TBX3: variants seen among roughly 807,000 people sequenced by gnomAD.
TBX3 encodes T-box transcription factor TBX3.
TBX3 carries 11 observed loss-of-function variants against 47.8 expected under a neutral mutation model. The observed-to-expected ratio is 0.23, with a 90% CI of 0.14 to 0.38. The LOEUF is 0.38. Among genes scored for constraint, TBX3 ranks in the 10% least tolerant of loss-of-function variants. The pLI is 1.00. For missense variants in TBX3, 927 were observed against 1,022.8 expected (o/e 0.91, Z 1.28); for synonymous variants, 500 against 449.3 (o/e 1.11, Z -1.43).
Position 114,674,230 on chromosome 12 carries a change from C to G in TBX3, c.1645G>C (p.Gly549Arg), listed in dbSNP as rs1868587983. 6.3e-7 allele frequency: 1 copy of G among 1,576,750 alleles called. No homozygotes were observed. Among genetic ancestry groups the G allele is most frequent in the African/African-American group, 1.3e-5 (1 of 74,776 alleles). Reference protein sequence around the residue: ...TAMASAAAAQGLSGASAATLP... With the variant: ...TAMASAAAAQRLSGASAATLP... ...GTGGCCGCGGACGCCCCGGACAGTCCCTGCGCCGCAGCGGCAGAGGCCATG... is the reference window on the plus strand; with the variant it reads ...GTGGCCGCGGACGCCCCGGACAGTCGCTGCGCCGCAGCGGCAGAGGCCATG... Residue 549 changes from glycine to arginine, a missense_variant, in exon 6 of 7, where the codon GGA (glycine) becomes CGA (arginine). By Grantham distance (125) the Gly-to-Arg change is moderately radical (BLOSUM62 -2). This residue lies in a region of TBX3 where 623 missense variants were observed against 569.0 expected (regional missense o/e 1.09). Coordinates refer to ENST00000349155, the MANE Select transcript of TBX3 (RefSeq NM_005996.4).
rs1314068240 is a variant in TBX3 at position 114,682,883 on chromosome 12, G to T, written c.318C>A (p.His106Gln). 6 of 1,614,032 alleles carry T rather than the reference G, an allele frequency of 3.7e-6. No homozygotes were observed. The highest frequency in any genetic ancestry group is 2.7e-5 in the African/African-American group (2 of 74,914). ...EEEVEDDPKV[H>Q]LEAKELWDQF... Reference sequence around the variant, plus strand: ...GATCCCAAAGTTCTTTAGCCTCCAGGTGCACCTTGGGGTCGTCCTCCACCT... The same window carrying T: ...GATCCCAAAGTTCTTTAGCCTCCAGTTGCACCTTGGGGTCGTCCTCCACCT... Residue 106 changes from histidine (H) to glutamine (Q), a missense_variant, in exon 1 of 7, where the codon CAC becomes CAA. Transcript: ENST00000349155.
At chr12:114,672,861 A>C (rs969062830) in intron 6 of TBX3, among the ~76,000 whole-genome samples, 4 of 152,076 alleles carry the variant, frequency 2.6e-5, no homozygotes, top group Non-Finnish European at 5.9e-5. Flanking sequence ...CAAAACAAAA[A>C]AAACAGACAG....
chr12:114,676,590 A>C, intron 4 of TBX3, 120 bp from the exon 5 acceptor site: 1 of 1,324,838 alleles, frequency 7.5e-7, no homozygotes, highest in Non-Finnish European at 1.1e-6. Flanking sequence ...CCCAGGGACA[A>C]CGCTAATTCA....
At position 114,682,952 on chromosome 12, in the gene TBX3, G is replaced by C. The variant is rs770615914; in HGVS notation, c.249C>G (p.Pro83=). 1 of 1,614,170 alleles carries C rather than the reference G, an allele frequency of 6.2e-7. No homozygotes were observed. Among genetic ancestry groups the C allele is most frequent in the Non-Finnish European group, 8.5e-7 (1 of 1,180,042 alleles). Residue 83 remains proline, a synonymous_variant, in exon 1 of 7, where the codon CCC becomes CCG. Transcript: ENST00000349155. ...TCTTCAAAGGCCTCAGATGCGCCTG[G>C]GGCCCCAGGGAGGAGAACGGGATGC... ...ETGIPFSSLG[P]QAHLRPLKTM... is the part of the protein sequence containing the mutation.
chr12:114,675,121 T>C (rs1868649802), intron 5 of TBX3, among the ~76,000 whole-genome samples: 2 of 152,264 alleles, frequency 1.3e-5, no homozygotes, highest in Admixed American at 6.5e-5. Context: ...GTAGCTCTTC[T>C]TATTTTAATG....
At chr12:114,680,791 T>A (rs1423221116) in intron 2 of TBX3, 88 bp downstream of exon 2, 1 of 1,577,034 alleles carries the variant, frequency 6.3e-7, no homozygotes, top group African/African-American at 1.4e-5. Flanking sequence ...AAAGGAGAAG[T>A]CTGGGCTGAA....
At chr12:114,680,734 A>G (rs755937203) in intron 2 of TBX3, 145 bp downstream of exon 2, 17 of 1,229,484 alleles carry the variant, frequency 1.4e-5, no homozygotes, top group South Asian at 3.7e-5. Context: ...AAACACCCCG[A>G]ATCCTTTTTC....
chr12:114,671,719 TC>T lies in TBX3; in HGVS notation c.*121del. On this transcript the variant is annotated 3_prime_UTR_variant, in exon 7 of 7. Transcript: ENST00000349155. ...TCTCTCGAGGGAGTCCGGGGCCCCTTCCCAGACGCAACTGCAAAAGGAAGGG... is the reference window on the plus strand; with the variant it reads ...TCTCTCGAGGGAGTCCGGGGCCCCTTCCAGACGCAACTGCAAAAGGAAGGG... The T allele has an allele frequency of 7.5e-7, 1 of 1,333,304 alleles. No homozygotes were observed. Among genetic ancestry groups the T allele is most frequent in the Non-Finnish European group, 1.0e-6 (1 of 955,750 alleles). 82.6% of individuals were successfully genotyped at this position (1,333,304 alleles called of 1,614,324 possible). A position where few individuals can be genotyped will look rare whatever the true frequency, so the allele number is the denominator to read the frequency against.
At chr12:114,680,547 A>C in intron 2 of TBX3, 1 of 424,976 alleles carries the variant, frequency 2.4e-6, no homozygotes, top group East Asian at 4.8e-5. Context: ...TTTAAAACAA[A>C]ACAAATCCTT....
chr12:114,682,978 C>G lies in TBX3; in HGVS notation c.223G>C (p.Gly75Arg), dbSNP rs895278286. 5.0e-6 allele frequency: 8 copies of G among 1,613,978 alleles called. No individual in the cohort carries two copies. Among genetic ancestry groups the G allele is most frequent in the East Asian group, 2.2e-5 (1 of 44,878 alleles). Residue 75 changes from glycine to arginine, a missense_variant, in exon 1 of 7, where the codon GGC (glycine) becomes CGC (arginine). Around this residue, in one of 5 missense-constraint regions of TBX3, gnomAD observed 216 missense variants for 281.2 expected, o/e 0.77. Coordinates refer to ENST00000349155, the MANE Select transcript of TBX3 (RefSeq NM_005996.4). ...GGCCCCAGGGAGGAGAACGGGATGC[C>G]GGTCTCGGCCGCCCCCACCAATTGA... ...MDQLVGAAET[G>R]IPFSSLGPQA...
Position 114,674,145 on chromosome 12 carries a change from G to A in TBX3, c.1710+20C>T. On this transcript the variant is annotated intron_variant, in intron 6 of 6. Coordinates refer to ENST00000349155, the MANE Select transcript of TBX3 (RefSeq NM_005996.4). ...ACGAAAGGTGGAAAGACTGGTGGAG[G>A]CAGGAAGAAGGATCCATACCTGAGA... 6.3e-7 allele frequency: 1 copy of A among 1,575,612 alleles called. No individual in the cohort carries two copies.
intron 4 of TBX3, among the ~76,000 whole-genome samples, chr12:114,677,041 A>C (rs879009957): frequency 6.6e-6 from 1 of 151,884 alleles, no homozygotes; most frequent in Non-Finnish European, 1.5e-5. Flanking sequence ...ATAGGTTAAA[A>C]ATTTGGGGGT....
intron 1 of TBX3, 55 bp downstream of exon 1, chr12:114,682,753 GAAAT>G (rs1310713174): frequency 1.2e-6 from 2 of 1,612,890 alleles, no homozygotes; most frequent in Non-Finnish European, 1.7e-6. Context: ...TGGGAGCAGA[GAAAT>G]AAAGGGAGGA....
intron 5 of TBX3, 137 bp from the exon 6 acceptor site, chr12:114,674,972 T>C: frequency 8.7e-7 from 1 of 1,146,816 alleles, no homozygotes; most frequent in East Asian, 2.6e-5. Flanking sequence ...CCTTAGCCTC[T>C]CTGCACCTCA....
rs909167735 is a variant in TBX3 at position 114,671,608 on chromosome 12, A to T, written c.*233T>A. The T allele has an allele frequency of 8.2e-6, 5 of 607,588 alleles. No homozygotes were observed. In the East Asian group the frequency reaches 1.1e-4, roughly 14 times the overall value. 37.6% of individuals were successfully genotyped at this position (607,588 alleles called of 1,614,324 possible). On this transcript the variant is annotated 3_prime_UTR_variant, in exon 7 of 7. Transcript: ENST00000349155. ...ACTCCTACCCCCAGTAGCTCAATGCAACCGACGTTTCTGAGCCCCCAGAAT... is the reference window on the plus strand; with the variant it reads ...ACTCCTACCCCCAGTAGCTCAATGCTACCGACGTTTCTGAGCCCCCAGAAT...
At chr12:114,682,675 T>C in intron 1 of TBX3, 137 bp downstream of exon 1, 1 of 1,344,668 alleles carries the variant, frequency 7.4e-7, no homozygotes, top group Non-Finnish European at 1.0e-6. Flanking sequence ...GGCCTGGAAG[T>C]CTGTGCATAC....
In TBX3 at chr12:114,679,716, G is replaced by A. The variant is rs1216348818; in HGVS notation, c.658-65C>T. 8.1e-6 allele frequency: 13 copies of A among 1,609,892 alleles called. No homozygotes were observed. In the East Asian group the frequency reaches 2.5e-4, roughly 30 times the overall value. Reference sequence around the variant, plus strand: ...ATTTAGCAGAACAAACGGGATCTTAGGACCCCTGCCAGGCTGAAATCTTCC... The same window carrying A: ...ATTTAGCAGAACAAACGGGATCTTAAGACCCCTGCCAGGCTGAAATCTTCC... On this transcript the variant is annotated intron_variant, in intron 2 of 6. Transcript: ENST00000349155.
rs143490993 is a variant in TBX3, at chr12:114,672,948, C to A, written c.1711-646G>T. On this transcript the variant is annotated intron_variant, in intron 6 of 6. Coordinates refer to ENST00000349155, the MANE Select transcript of TBX3 (RefSeq NM_005996.4). ...TTGTTATAAACAGAGACAAAGAAAT[C>A]GTCCAGCATGATTCACTGGTGTTCC... Among the ~76,000 whole-genome samples the A allele has an allele frequency of 3.5e-3, 538 of 152,314 alleles. 2 individuals carry two copies. The highest frequency in any genetic ancestry group is 6.8e-3 in the Middle Eastern group (2 of 294).
intron 4 of TBX3, 54 bp from the exon 5 acceptor site, chr12:114,676,524 T>G: frequency 1.9e-6 from 3 of 1,609,874 alleles, no homozygotes; most frequent in Non-Finnish European, 8.5e-7. Context: ...TTTCCCCTCT[T>G]TGTTTCCCTT....
Sources: gnomAD v4.1 joint callset for allele counts (sites outside exome capture counted in the v4.1 genomes callset) on GRCh38, gnomAD v4.1.1 for gene constraint, gnomAD v4.1.1 regional missense constraint, MANE v1.5 for transcripts, NCBI Gene and HGNC (gene_info 2026-07-23, HGNC 2026-07-21) for gene names.